The following PRKACB variants were observed in gnomAD, a reference collection of about 807,000 sequenced individuals.
The protein encoded by PRKACB is cAMP-dependent protein kinase catalytic subunit beta.
Under a neutral mutation model 51.4 loss-of-function variants are expected in PRKACB, and 16 were observed. The ratio of observed to expected loss-of-function variants is 0.31; its 90% CI spans 0.21 to 0.47. PRKACB has a LOEUF of 0.47. PRKACB is among the 20% of genes least tolerant of loss of function. The pLI, the probability that PRKACB is intolerant of heterozygous loss-of-function variation, is 1.00. For synonymous variants in PRKACB, 147 were observed against 154.4 expected (o/e 0.95, Z 0.35); for missense variants, 309 against 464.5 (o/e 0.67, Z 3.08).
intron 9 of PRKACB, among the ~76,000 whole-genome samples, chr1:84,215,010 G>C (rs185549112): frequency 1.3e-5 from 2 of 152,310 alleles, no homozygotes; most frequent in East Asian, 3.9e-4. Flanking sequence ...GCATGTGCCA[G>C]ATATATAATA....
intron 8 of PRKACB, among the ~76,000 whole-genome samples, chr1:84,211,137 A>G (rs1055295927): frequency 6.6e-6 from 1 of 151,436 alleles, no homozygotes; most frequent in Non-Finnish European, 1.5e-5. Flanking sequence ...TCACACACAC[A>G]CACACACACA....
intron 1 of PRKACB, among the ~76,000 whole-genome samples, chr1:84,115,055 A>G (rs1650524191): frequency 6.6e-6 from 1 of 152,176 alleles, no homozygotes; most frequent in Non-Finnish European, 1.5e-5. Flanking sequence ...GATACTCAGT[A>G]GTGGGATTGC....
chr1:84,198,251 T>C (rs572521045), intron 7 of PRKACB, among the ~76,000 whole-genome samples: 1 of 152,290 alleles, frequency 6.6e-6, no homozygotes, highest in South Asian at 2.1e-4. Context: ...TGTTTTTAAA[T>C]TTTAAATAGG....
intron 1 of PRKACB, among the ~76,000 whole-genome samples, chr1:84,092,338 T>G (rs1481079741): frequency 1.3e-5 from 2 of 152,218 alleles, no homozygotes; most frequent in Non-Finnish European, 2.9e-5. Flanking sequence ...TCCATGTTTT[T>G]GTCATAGCAG....
chr1:84,180,206 A>ATATATATATATATATATATATG (rs1553173784), intron 2 of PRKACB, among the ~76,000 whole-genome samples: 2 of 127,140 alleles, frequency 1.6e-5, no homozygotes, highest in Admixed American at 8.1e-5. Flanking sequence ...ATATATATAT[A>ATATATATATATATATATATATG]TATGTATGAT....
At chr1:84,078,422 A>G (rs978598972) in intron 1 of PRKACB, 8 of 1,590,664 alleles carry the variant, frequency 5.0e-6, no homozygotes, top group Non-Finnish European at 6.8e-6. Flanking sequence ...GGCGCGGGGC[A>G]CCGAGCGCCC....
At chr1:84,120,948 C>T (rs1196718720) in intron 1 of PRKACB, among the ~76,000 whole-genome samples, 1 of 152,106 alleles carries the variant, frequency 6.6e-6, no homozygotes, top group Middle Eastern at 3.4e-3. Flanking sequence ...TACAAGATTT[C>T]AAGACTTTTC....
intron 9 of PRKACB, among the ~76,000 whole-genome samples, chr1:84,215,267 C>T (rs577550819): frequency 6.6e-6 from 1 of 152,116 alleles, no homozygotes; most frequent in Admixed American, 6.5e-5. Context: ...TTATCAGGTC[C>T]CTGCTTGTAT....
chr1:84,185,265 A>G lies in PRKACB; in HGVS notation c.560+83A>G, dbSNP rs972157856. Reference sequence around the variant, plus strand: ...TTTTAAGTTGATGCCAATGCCAAAAACTTATTTTGTTTGATTAATATTTTG... The same window carrying G: ...TTTTAAGTTGATGCCAATGCCAAAAGCTTATTTTGTTTGATTAATATTTTG... On this transcript the variant is annotated intron_variant, in intron 5 of 9. Transcript: ENST00000370685. The G allele has an allele frequency of 2.9e-6, 3 of 1,019,190 alleles. No individual in the cohort carries two copies. In the African/African-American group the frequency reaches 5.2e-5, roughly 18 times the overall value. 63.1% of individuals were successfully genotyped at this position (1,019,190 alleles called of 1,614,324 possible).
chr1:84,229,770 G>A (rs1675285008), intron 9 of PRKACB, among the ~76,000 whole-genome samples: 1 of 151,414 alleles, frequency 6.6e-6, no homozygotes, highest in African/African-American at 2.4e-5. Flanking sequence ...CCCACTTTTT[G>A]ATGGGGTTGT....
At chr1:84,104,477 C>T (rs1000281173) in intron 1 of PRKACB, among the ~76,000 whole-genome samples, 1 of 152,032 alleles carries the variant, frequency 6.6e-6, no homozygotes, top group Non-Finnish European at 1.5e-5. Flanking sequence ...ATACTGATTT[C>T]CTTCCGTTTG....
intron 1 of PRKACB, among the ~76,000 whole-genome samples, chr1:84,145,795 A>G (rs1281218482): frequency 6.6e-6 from 1 of 152,152 alleles, no homozygotes; most frequent in East Asian, 1.9e-4. Flanking sequence ...AAAGCTTGTT[A>G]ATTATTGTCC....
chr1:84,140,220 G>C (rs1409717310), upstream of PRKACB, among the ~76,000 whole-genome samples: 1 of 152,064 alleles, frequency 6.6e-6, no homozygotes, highest in Admixed American at 6.5e-5. Context: ...ACACAAATAT[G>C]GTCAATTGAT....
At position 84,155,854 on chromosome 1, in the gene PRKACB, C is replaced by T. The variant is rs1395821440; in HGVS notation, c.187+11306C>T. Among the ~76,000 whole-genome samples the T allele has an allele frequency of 2.0e-5, 3 of 152,150 alleles. No individual in the cohort carries two copies. In the East Asian group the frequency reaches 5.8e-4, roughly 29 times the overall value. ...TTAATCACCGGCACACTTATCTATTCAAATTAGCAAGAATTCCAAGGAGGT... is the reference window on the plus strand; with the variant it reads ...TTAATCACCGGCACACTTATCTATTTAAATTAGCAAGAATTCCAAGGAGGT... On this transcript the variant is annotated intron_variant, in intron 1 of 9. Coordinates refer to ENST00000370685, the MANE Select transcript of PRKACB (RefSeq NM_182948.4).
rs909503739 is a variant in PRKACB, at chr1:84,236,492, G to A, written c.*1187G>A. The A allele has an allele frequency of 6.6e-6, 1 of 152,570 alleles. No individual in the cohort carries two copies. Among genetic ancestry groups the A allele is most frequent in the African/African-American group, 2.4e-5 (1 of 41,434 alleles). The allele number at this position is 152,570 out of a possible 1,614,324, so 9.5% of individuals were successfully genotyped here. The stretch of plus-strand genomic sequence containing the variant: ...TCCCATGCCTCATCAATGAGGAAAG[G>A]GAACAAAGTGTATAAAACTGCCACA... On this transcript the variant is annotated 3_prime_UTR_variant, in exon 10 of 10. Coordinates refer to ENST00000370685, the MANE Select transcript of PRKACB (RefSeq NM_182948.4).
At chr1:84,197,121 A>T (rs1050401422) in intron 6 of PRKACB, among the ~76,000 whole-genome samples, 1 of 152,186 alleles carries the variant, frequency 6.6e-6, no homozygotes. Flanking sequence ...AAACTAAGAC[A>T]TAGCAAGGTC....
At chr1:84,086,183 A>G in intron 1 of PRKACB, 1 of 1,599,308 alleles carries the variant, frequency 6.3e-7, no homozygotes, top group Non-Finnish European at 8.6e-7. Flanking sequence ...GTTTGTGGGC[A>G]TCAAAGATGA....
At chr1:84,133,111 A>G (rs1275608219) in intron 1 of PRKACB, among the ~76,000 whole-genome samples, 2 of 152,146 alleles carry the variant, frequency 1.3e-5, no homozygotes, top group Non-Finnish European at 2.9e-5. Flanking sequence ...AACTAAGAGA[A>G]AATCTTGGAA....
In PRKACB at chr1:84,185,092, G is replaced by T; in HGVS notation, c.478-8G>T. The T allele has an allele frequency of 7.0e-7, 1 of 1,434,220 alleles. No individual in the cohort carries two copies. The highest frequency in any genetic ancestry group is 1.3e-5 in the South Asian group (1 of 75,184). 88.8% of individuals were successfully genotyped at this position (1,434,220 alleles called of 1,614,324 possible). Reference sequence around the variant, plus strand: ...GAATAATTGTATTTCCTTTTTATTTGTTCATAGGATAATTCTAATTTATAC... The same window carrying T: ...GAATAATTGTATTTCCTTTTTATTTTTTCATAGGATAATTCTAATTTATAC... On this transcript the variant is annotated splice_region_variant and splice_polypyrimidine_tract_variant and intron_variant, in intron 4 of 9. Transcript: ENST00000370685.
Sources: gnomAD v4.1 joint callset for allele counts (sites outside exome capture counted in the v4.1 genomes callset) on GRCh38, gnomAD v4.1.1 for gene constraint, MANE v1.5 for transcripts, NCBI Gene and HGNC (gene_info 2026-07-23, HGNC 2026-07-21) for gene names.